The following NELL1 variants were observed in gnomAD, a reference collection of about 807,000 sequenced individuals.
NELL1 encodes neural EGFL like 1.
NELL1 carries 76 observed loss-of-function variants against 107.4 expected under a neutral mutation model. The ratio of observed to expected loss-of-function variants is 0.71; its 90% confidence interval spans 0.59 to 0.86. The LOEUF is 0.86. NELL1 is among the 40% of genes least tolerant of loss of function. NELL1 has a pLI of 0.00. For synonymous variants in NELL1, 353 were observed against 341.2 expected (o/e 1.03, Z -0.38); for missense variants, 1,024 against 1,005.5 (o/e 1.02, Z -0.25).
At chr11:20,858,466 C>G (rs552713392) in intron 4 of NELL1, among the ~76,000 whole-genome samples, 52 of 152,290 alleles carry the variant, frequency 3.4e-4, no homozygotes, top group Middle Eastern at 3.4e-3. Context: ...GATAGCTGAG[C>G]AATTTATCAA....
At chr11:21,498,390 A>G (rs1266606013) in intron 15 of NELL1, among the ~76,000 whole-genome samples, 1 of 148,250 alleles carries the variant, frequency 6.7e-6, no homozygotes, top group African/African-American at 2.4e-5. Context: ...TTTTGTTTGT[A>G]TTTAAATTTT....
At chr11:21,372,208 G>A (rs1190892370) in intron 15 of NELL1, among the ~76,000 whole-genome samples, 1 of 151,618 alleles carries the variant, frequency 6.6e-6, no homozygotes, top group Non-Finnish European at 1.5e-5. Context: ...TAAAAGCAAA[G>A]AAACTTAAGG....
intron 4 of NELL1, among the ~76,000 whole-genome samples, chr11:20,849,467 T>A (rs1475546360): frequency 6.6e-6 from 1 of 152,192 alleles, no homozygotes; most frequent in Non-Finnish European, 1.5e-5. Flanking sequence ...ACTCTGTATG[T>A]CCTTCATGGA....
At chr11:20,765,190 C>T (rs780211482) in intron 2 of NELL1, among the ~76,000 whole-genome samples, 2 of 151,818 alleles carry the variant, frequency 1.3e-5, no homozygotes, top group Non-Finnish European at 1.5e-5. Flanking sequence ...GAGGCAGATA[C>T]AGGAGAAATT....
chr11:20,952,068 A>AT (rs1851079791), intron 11 of NELL1, among the ~76,000 whole-genome samples: 1 of 151,200 alleles, frequency 6.6e-6, no homozygotes, highest in African/African-American at 2.4e-5. Flanking sequence ...AAAAAAAAAA[A>AT]TGTCAACAAT....
intron 14 of NELL1, among the ~76,000 whole-genome samples, chr11:21,363,002 G>A (rs1433540259): frequency 6.7e-6 from 1 of 149,736 alleles, no homozygotes; most frequent in Non-Finnish European, 1.5e-5. Flanking sequence ...CAGTTGGCGA[G>A]ACCAGTCTCA....
intron 2 of NELL1, among the ~76,000 whole-genome samples, chr11:20,684,326 G>T (rs764488075): frequency 1.3e-4 from 20 of 151,814 alleles, no homozygotes; most frequent in Non-Finnish European, 2.5e-4. Context: ...TTCTCTCTGT[G>T]TATAATTTTT....
At chr11:21,347,338 C>T (rs1461912265) in intron 14 of NELL1, among the ~76,000 whole-genome samples, 1 of 152,084 alleles carries the variant, frequency 6.6e-6, no homozygotes, top group Non-Finnish European at 1.5e-5. Context: ...CTTGGTGGCT[C>T]ATGCCTGTCA....
chr11:21,442,071 T>C (rs552403695), intron 15 of NELL1, among the ~76,000 whole-genome samples: 1 of 152,144 alleles, frequency 6.6e-6, no homozygotes, highest in Non-Finnish European at 1.5e-5. Flanking sequence ...TCAAAAAATA[T>C]TAACTTTTGT....
intron 3 of NELL1, among the ~76,000 whole-genome samples, chr11:20,821,982 A>G (rs1857764781): frequency 6.6e-6 from 1 of 152,028 alleles, no homozygotes. Flanking sequence ...GTTCTTTTCC[A>G]TTTTTCTCTT....
intron 13 of NELL1, among the ~76,000 whole-genome samples, chr11:21,154,770 T>G (rs1273527838): frequency 1.3e-5 from 2 of 152,072 alleles, no homozygotes; most frequent in African/African-American, 4.8e-5. Context: ...TCCCAAGCAG[T>G]GAAAATGGAA....
rs11825178 is a variant in NELL1, at chr11:21,191,862, T to C, written c.1427-37470T>C. Among the ~76,000 whole-genome samples the C allele has an allele frequency of 7.3e-3, 1,115 of 152,068 alleles. 48 individuals are homozygous for C. The highest frequency in any genetic ancestry group is 0.025 in the African/African-American group (1,017 of 41,322). On this transcript the variant is annotated intron_variant, in intron 13 of 19. Transcript: ENST00000357134. ...AAAGCAAATGAAATTATGTTTTAAC[T>C]TTTATATTTTAACTAAAGCATTATT...
At position 20,847,637 on chromosome 11, in the gene NELL1, A is replaced by T; in HGVS notation, c.390A>T (p.Ile130=). The part of the protein sequence containing the change: ...GLRDEIRYHY[I]HNGKPRTEAL... ...GGGATGAGATTCGGTATCACTACAT[A>T]CACAATGGGAAGCCAAGGACAGAGG... is the stretch of plus-strand genomic sequence containing the variant. The change falls in exon 4 of 20, where the codon ATA becomes ATT. Residue 130 remains isoleucine (I), a synonymous_variant. Coordinates refer to ENST00000357134, the MANE Select transcript of NELL1 (RefSeq NM_006157.5). The T allele has an allele frequency of 6.2e-7, 1 of 1,613,928 alleles. No individual in the cohort carries two copies.
intron 13 of NELL1, chr11:21,170,153 T>A (rs1856572619): frequency 4.6e-6 from 3 of 655,240 alleles, no homozygotes; most frequent in Non-Finnish European, 5.5e-6. Context: ...CTTCAATACA[T>A]GACTGGGATG....
chr11:21,136,949 G>A (rs188131033), intron 13 of NELL1, among the ~76,000 whole-genome samples: 6 of 152,290 alleles, frequency 3.9e-5, no homozygotes, highest in South Asian at 2.1e-4. Flanking sequence ...TTGGCTAGGC[G>A]TATCCTTAAA....
At chr11:21,199,281 G>T (rs1262505981) in intron 13 of NELL1, among the ~76,000 whole-genome samples, 4 of 152,090 alleles carry the variant, frequency 2.6e-5, no homozygotes, top group Non-Finnish European at 4.4e-5. Context: ...GACTCTGTTA[G>T]CAACAAAGAG....
At chr11:21,249,723 G>C (rs566312619) in intron 14 of NELL1, among the ~76,000 whole-genome samples, 15 of 152,240 alleles carry the variant, frequency 9.9e-5, no homozygotes, top group African/African-American at 3.6e-4. Context: ...TGATGCTAAT[G>C]TTCACTTGAA....
At chr11:21,076,226 T>A (rs1854132727) in intron 12 of NELL1, among the ~76,000 whole-genome samples, 1 of 152,184 alleles carries the variant, frequency 6.6e-6, no homozygotes, top group African/African-American at 2.4e-5. Flanking sequence ...CAACCAGAAA[T>A]GGGGCTGACC....
chr11:21,358,158 A>T (rs1850981795), intron 14 of NELL1, among the ~76,000 whole-genome samples: 2 of 152,110 alleles, frequency 1.3e-5, no homozygotes, highest in Middle Eastern at 3.4e-3. Context: ...GAATTTTAGG[A>T]TTGCTTTTTC....
Sources: gnomAD v4.1 joint callset for allele counts (sites outside exome capture counted in the v4.1 genomes callset) on GRCh38, gnomAD v4.1.1 for gene constraint, MANE v1.5 for transcripts, NCBI Gene and HGNC (gene_info 2026-07-23, HGNC 2026-07-21) for gene names.